DKK2: variants seen among roughly 807,000 people sequenced by gnomAD.
DKK2 encodes the protein dickkopf Wnt signaling pathway inhibitor 2, also known as dickkopf-related protein 2.
Under a neutral mutation model 28.1 loss-of-function variants are expected in DKK2, and 11 were observed. The observed-to-expected ratio is 0.39, with a 90% CI of 0.25 to 0.65. The LOEUF is 0.65. Ranked by LOEUF, DKK2 falls within the 30% of genes least tolerant of loss-of-function variation. The pLI is 0.47. For synonymous variants in DKK2, 135 were observed against 126.5 expected, an observed-to-expected ratio of 1.07 and a Z score of -0.45; for missense variants, 326 against 335.5, an observed-to-expected ratio of 0.97 and a Z score of 0.22.
rs1397355131 is a variant in DKK2 at position 106,924,597 on chromosome 4, G to A, written c.477C>T (p.Asp159=). ...DRNHGHYSNH[D]LGWQNLGRPH... Reference sequence around the variant, plus strand: ...GTCTTCCTAGATTCTGCCATCCCAAGTCATGGTTTGAGTAATGACCGTGGT... The same window carrying A: ...GTCTTCCTAGATTCTGCCATCCCAAATCATGGTTTGAGTAATGACCGTGGT... Residue 159 remains aspartate, a synonymous_variant, in exon 3 of 4, where the codon GAC becomes GAT. Coordinates refer to ENST00000285311, the MANE Select transcript of DKK2 (RefSeq NM_014421.3). The A allele has an allele frequency of 6.2e-7, 1 of 1,613,758 alleles. No individual in the cohort carries two copies. The highest frequency in any genetic ancestry group is 1.3e-5 in the African/African-American group (1 of 74,892).
intron 1 of DKK2, among the ~76,000 whole-genome samples, chr4:106,941,731 G>A (rs1724703052): frequency 6.6e-6 from 1 of 152,082 alleles, no homozygotes; most frequent in Non-Finnish European, 1.5e-5. Context: ...CCTGCTAGAA[G>A]TGTTGCTTAT....
chr4:107,029,912 C>T (rs900016227), intron 1 of DKK2, among the ~76,000 whole-genome samples: 2 of 151,964 alleles, frequency 1.3e-5, no homozygotes, highest in Admixed American at 6.5e-5. Flanking sequence ...AGATAAGTAA[C>T]ATTTTTTTAA....
At chr4:107,013,300 A>C (rs181784533) in intron 1 of DKK2, among the ~76,000 whole-genome samples, 1 of 151,658 alleles carries the variant, frequency 6.6e-6, no homozygotes, top group African/African-American at 2.4e-5. Context: ...TACATTACAA[A>C]GTTATAGTAA....
At chr4:107,016,762 G>A (rs545025311) in intron 1 of DKK2, among the ~76,000 whole-genome samples, 1 of 151,968 alleles carries the variant, frequency 6.6e-6, no homozygotes, top group South Asian at 2.1e-4. Flanking sequence ...AAGGCTTTTG[G>A]TTGAGCAATT....
chr4:106,924,379 A>G (rs1724394894), intron 3 of DKK2, 166 bp downstream of exon 3: 1 of 1,236,762 alleles, frequency 8.1e-7, no homozygotes, highest in Admixed American at 2.8e-5. Flanking sequence ...ACATAAATCT[A>G]TTATGGTCTG....
At chr4:106,946,931 C>T (rs917439718) in intron 1 of DKK2, among the ~76,000 whole-genome samples, 2 of 152,004 alleles carry the variant, frequency 1.3e-5, no homozygotes, top group African/African-American at 4.8e-5. Context: ...CATTGTGATC[C>T]ATTGATGATT....
At chr4:106,957,403 G>A (rs1405798340) in intron 1 of DKK2, among the ~76,000 whole-genome samples, 3 of 152,058 alleles carry the variant, frequency 2.0e-5, no homozygotes, top group African/African-American at 4.8e-5. Flanking sequence ...CCATTAAGGG[G>A]TATATACCCA....
At chr4:106,972,458 A>G (rs1722881870) in intron 1 of DKK2, among the ~76,000 whole-genome samples, 2 of 151,896 alleles carry the variant, frequency 1.3e-5, no homozygotes, top group African/African-American at 4.8e-5. Flanking sequence ...TGACTTCCTA[A>G]GTACAAAGTA....
rs201176147 is a variant in DKK2 at position 107,035,414 on chromosome 4, C to G, written c.178G>C (p.Gly60Arg). The change falls in exon 1 of 4, where the codon GGA (glycine) becomes CGA (arginine). Residue 60 changes from glycine to arginine, a missense_variant. By Grantham distance (125) the Gly-to-Arg change is moderately radical. Coordinates refer to ENST00000285311, the MANE Select transcript of DKK2 (RefSeq NM_014421.3). ...AANRSAGMYQ[G>R]LAFGGSKKGK... is the part of the protein sequence containing the mutation. ...TTCTTACTGCCGCCGAATGCCAGTC[C>G]TTGGTACATGCCCGCAGATCGATTG... 6.8e-6 allele frequency: 11 copies of G among 1,614,232 alleles called. No homozygotes were observed. The East Asian group carries it at 2.5e-4, about 36-fold the overall frequency.
At chr4:106,986,434 T>C (rs1723121755) in intron 1 of DKK2, among the ~76,000 whole-genome samples, 1 of 152,216 alleles carries the variant, frequency 6.6e-6, no homozygotes, top group South Asian at 2.1e-4. Flanking sequence ...TAAAAAGATA[T>C]ACAGAGTTCC....
intron 1 of DKK2, among the ~76,000 whole-genome samples, chr4:107,011,287 A>T (rs891165599): frequency 6.6e-6 from 1 of 151,526 alleles, no homozygotes; most frequent in Non-Finnish European, 1.5e-5. Flanking sequence ...TTGTAATATC[A>T]TTCATTGTTC....
In DKK2 at chr4:106,924,064, C is replaced by G. The variant is rs1413716800; in HGVS notation, c.670G>C (p.Gly224Arg). 6.2e-7 allele frequency: 1 copy of G among 1,613,930 alleles called. No individual in the cohort carries two copies. The highest frequency in any genetic ancestry group is 1.1e-5 in the South Asian group (1 of 91,076). ...TCGCAACGCTGGAAAATTTCCAGCC[C>G]ATGAGAACCCTTCTTGCGTTGTTTG... The part of the protein sequence containing the change: ...CTKQRKKGSH[G>R]LEIFQRCDCA... The change falls in exon 4 of 4, where the codon GGG (glycine) becomes CGG (arginine). Residue 224 changes from glycine to arginine, a missense_variant. By Grantham distance (125) the Gly-to-Arg change is moderately radical. Coordinates refer to ENST00000285311, the MANE Select transcript of DKK2 (RefSeq NM_014421.3).
chr4:106,963,672 T>C (rs901235182), intron 1 of DKK2, among the ~76,000 whole-genome samples: 9 of 152,148 alleles, frequency 5.9e-5, no homozygotes, highest in African/African-American at 2.2e-4. Context: ...GTAATCCCAC[T>C]GCTGGGTATA....
chr4:107,013,198 A>G (rs1312534016), intron 1 of DKK2, among the ~76,000 whole-genome samples: 1 of 151,356 alleles, frequency 6.6e-6, no homozygotes. Flanking sequence ...TAAAACTTGT[A>G]TAGAACCACA....
At chr4:107,013,866 A>G (rs750814321) in intron 1 of DKK2, among the ~76,000 whole-genome samples, 5 of 151,614 alleles carry the variant, frequency 3.3e-5, no homozygotes, top group Admixed American at 6.6e-5. Context: ...AATCTCATTT[A>G]AAAATGGGCA....
chr4:106,925,510 T>C (rs992768076), intron 2 of DKK2, among the ~76,000 whole-genome samples: 4 of 152,224 alleles, frequency 2.6e-5, no homozygotes, highest in Non-Finnish European at 4.4e-5. Flanking sequence ...TTCTTTTACA[T>C]GCATTCACTT....
At chr4:107,010,530 C>T (rs1180131029) in intron 1 of DKK2, among the ~76,000 whole-genome samples, 1 of 151,468 alleles carries the variant, frequency 6.6e-6, no homozygotes, top group Non-Finnish European at 1.5e-5. Context: ...AAAAGATTCA[C>T]AATAAAGATT....
At chr4:107,005,357 A>AC (rs1251531979) in intron 1 of DKK2, among the ~76,000 whole-genome samples, 9 of 149,678 alleles carry the variant, frequency 6.0e-5, no homozygotes, top group South Asian at 2.1e-4. Context: ...AAAAAAAAAA[A>AC]AAAACAAAAA....
At chr4:106,937,094 C>T (rs1431329038) in intron 1 of DKK2, among the ~76,000 whole-genome samples, 18 of 150,856 alleles carry the variant, frequency 1.2e-4, no homozygotes, top group Non-Finnish European at 1.8e-4. Context: ...TCATAATGAC[C>T]GGATCAAATT....
Sources: gnomAD v4.1 joint callset for allele counts (sites outside exome capture counted in the v4.1 genomes callset) on GRCh38, gnomAD v4.1.1 for gene constraint, MANE v1.5 for transcripts, NCBI Gene and HGNC (gene_info 2026-07-23, HGNC 2026-07-21) for gene names.